The following MDGA2 variants were observed in gnomAD, a reference collection of about 807,000 sequenced individuals.
MDGA2 encodes the protein MAM domain-containing glycosylphosphatidylinositol anchor protein 2.
In MDGA2, 40 loss-of-function variants were observed where a neutral mutation model predicts 117.8. The ratio of observed to expected loss-of-function variants is 0.34; its 90% CI spans 0.26 to 0.44. The LOEUF (loss-of-function observed/expected upper bound fraction) is 0.44, where lower values mean the gene tolerates loss of function less well. Among genes scored for constraint, MDGA2 ranks in the 20% least tolerant of loss-of-function variants. MDGA2 has a pLI of 1.00. For synonymous variants in MDGA2, 452 were observed against 439.0 expected, an observed-to-expected ratio of 1.03 and a Z score of -0.37; for missense variants, 1,123 against 1,250.6, an observed-to-expected ratio of 0.90 and a Z score of 1.54.
At chr14:47,674,061 T>G (rs1333955159) in intron 1 of MDGA2, among the ~76,000 whole-genome samples, 4 of 149,842 alleles carry the variant, frequency 2.7e-5, no homozygotes, top group Admixed American at 6.7e-5. Context: ...CATGTAGGCA[T>G]TCACAGAAAA....
At chr14:47,612,467 G>A (rs1381904681) in intron 1 of MDGA2, among the ~76,000 whole-genome samples, 1 of 152,092 alleles carries the variant, frequency 6.6e-6, no homozygotes, top group Non-Finnish European at 1.5e-5. Flanking sequence ...ACAAAAACTT[G>A]AGTCATATAA....
At chr14:47,561,131 CTCTA>C (rs1388744364) in intron 1 of MDGA2, among the ~76,000 whole-genome samples, 5 of 95,886 alleles carry the variant, frequency 5.2e-5, no homozygotes, top group Admixed American at 1.3e-4. Context: ...AGCATGATAC[CTCTA>C]TCTTTGTTTT....
intron 2 of MDGA2, among the ~76,000 whole-genome samples, chr14:47,236,160 G>A (rs1886852476): frequency 6.6e-6 from 1 of 151,522 alleles, no homozygotes; most frequent in Non-Finnish European, 1.5e-5. Context: ...GCATAGTGGC[G>A]GGCGCCTGTA....
chr14:47,160,402 C>T lies in MDGA2; in HGVS notation c.596-16128G>A, dbSNP rs1007404139. Among the ~76,000 whole-genome samples, 15 of 152,148 alleles carry T rather than the reference C, an allele frequency of 9.9e-5. No homozygotes were observed. The East Asian group carries it at 2.1e-3, about 22-fold the overall frequency. On this transcript the variant is annotated intron_variant, in intron 3 of 16. Transcript: ENST00000399232. ...TCTTTTACAAACAAACAAACAACAA[C>T]AACAAAAAAGCAGCTGAGAAGTGGC...
At chr14:47,353,672 A>G (rs1170629778) in intron 1 of MDGA2, among the ~76,000 whole-genome samples, 1 of 152,222 alleles carries the variant, frequency 6.6e-6, no homozygotes, top group Non-Finnish European at 1.5e-5. Context: ...AGCAGTAAAC[A>G]GCTTGCAACA....
chr14:47,031,544 A>G (rs1888666442), intron 8 of MDGA2, among the ~76,000 whole-genome samples: 1 of 152,174 alleles, frequency 6.6e-6, no homozygotes, highest in African/African-American at 2.4e-5. Flanking sequence ...ATCTGTATGC[A>G]GCAAATCCTC....
At chr14:47,134,016 C>G (rs1035598129) in intron 4 of MDGA2, among the ~76,000 whole-genome samples, 2 of 151,982 alleles carry the variant, frequency 1.3e-5, no homozygotes, top group Non-Finnish European at 2.9e-5. Context: ...TAATTGTATA[C>G]ATTTAAGGTA....
Position 47,451,179 on chromosome 14 carries a change from T to C in MDGA2, c.281-149629A>G, listed in dbSNP as rs568079030. Reference sequence around the variant, plus strand: ...TGCTAAGCACCATACACTATAACCTTAGGAAGTAGCTGGAGGTCATTCTCT... The same window carrying C: ...TGCTAAGCACCATACACTATAACCTCAGGAAGTAGCTGGAGGTCATTCTCT... On this transcript the variant is annotated intron_variant, in intron 1 of 16. Transcript: ENST00000399232. 7.9e-5 allele frequency among the ~76,000 whole-genome samples: 12 copies of C among 152,104 alleles called. No homozygotes were observed. In the South Asian group the frequency reaches 2.1e-3, roughly 26 times the overall value.
intron 2 of MDGA2, among the ~76,000 whole-genome samples, chr14:47,223,381 CTCA>C (rs1273694119): frequency 6.6e-6 from 1 of 152,234 alleles, no homozygotes; most frequent in Non-Finnish European, 1.5e-5. Context: ...TAATTCAGTA[CTCA>C]TCAGCATTTA....
chr14:47,474,315 C>T (rs1435718460), intron 1 of MDGA2, among the ~76,000 whole-genome samples: 1 of 152,114 alleles, frequency 6.6e-6, no homozygotes, highest in Non-Finnish European at 1.5e-5. Context: ...CAAACCACTT[C>T]TCAAGGAAAT....
chr14:47,478,467 C>G (rs544516216), intron 1 of MDGA2, among the ~76,000 whole-genome samples: 1 of 152,282 alleles, frequency 6.6e-6, no homozygotes, highest in East Asian at 1.9e-4. Flanking sequence ...GCCTTCACCT[C>G]CTGGCTCAAG....
intron 4 of MDGA2, among the ~76,000 whole-genome samples, chr14:47,133,140 C>T (rs1882288972): frequency 6.7e-6 from 1 of 150,178 alleles, no homozygotes; most frequent in East Asian, 1.9e-4. Context: ...CAAAAAAAAA[C>T]TACCTTTCAA....
At chr14:46,926,750 G>A (rs1251201762) in intron 9 of MDGA2, among the ~76,000 whole-genome samples, 3 of 151,866 alleles carry the variant, frequency 2.0e-5, no homozygotes, top group African/African-American at 7.3e-5. Context: ...GTTTAATCAG[G>A]GAAATGATAT....
intron 1 of MDGA2, among the ~76,000 whole-genome samples, chr14:47,555,960 T>C (rs1895674561): frequency 6.6e-6 from 1 of 152,204 alleles, no homozygotes; most frequent in South Asian, 2.1e-4. Context: ...AAATTGTTGC[T>C]TGGGCTTTAA....
rs143279656 is a variant in MDGA2 at position 47,222,961 on chromosome 14, G to A, written c.421-4766C>T. Among the ~76,000 whole-genome samples the A allele has an allele frequency of 3.1e-3, 478 of 152,256 alleles. 6 individuals carry two copies. Among genetic ancestry groups the A allele is most frequent in the African/African-American group, 0.011 (446 of 41,556 alleles). ...CCTGTAAAGACATACCTGAGACTGG[G>A]AAGAAAAAGAGTTTTAATTGGACTT... On this transcript the variant is annotated intron_variant, in intron 2 of 16. Coordinates refer to ENST00000399232, the MANE Select transcript of MDGA2 (RefSeq NM_001113498.3).
Position 46,883,451 on chromosome 14 carries a change from AAG to A in MDGA2, c.2239-1232_2239-1231del, listed in dbSNP as rs1464647538. ...AGGGAACTTGATTAATCTGATAAAG[AAG>A]ATCCAACAAAAAGGTAGAGGATGCT... On this transcript the variant is annotated intron_variant, in intron 10 of 16. Transcript: ENST00000399232. 1.8e-4 allele frequency among the ~76,000 whole-genome samples: 27 copies of A among 152,194 alleles called. 1 individual carries two copies. Among genetic ancestry groups the A allele is most frequent in the African/African-American group, 6.3e-4 (26 of 41,584 alleles).
intron 6 of MDGA2, among the ~76,000 whole-genome samples, chr14:47,091,265 G>A (rs1879639783): frequency 6.6e-6 from 1 of 152,124 alleles, no homozygotes; most frequent in Non-Finnish European, 1.5e-5. Context: ...TGTTTATTGA[G>A]CATCTACTAT....
intron 2 of MDGA2, among the ~76,000 whole-genome samples, chr14:47,226,586 T>C (rs1218085784): frequency 1.3e-5 from 2 of 152,130 alleles, no homozygotes; most frequent in East Asian, 3.9e-4. Context: ...AGCACTACGA[T>C]AGGGCCTGCT....
intron 1 of MDGA2, among the ~76,000 whole-genome samples, chr14:47,654,122 A>T (rs1417519842): frequency 6.6e-6 from 1 of 152,182 alleles, no homozygotes; most frequent in Non-Finnish European, 1.5e-5. Flanking sequence ...CACCTCTACA[A>T]ATTGTGTAAA....
Sources: allele counts gnomAD v4.1 joint callset (sites outside exome capture counted in the v4.1 genomes callset), GRCh38; gene constraint gnomAD v4.1.1; transcripts MANE v1.5; gene names NCBI Gene and HGNC (gene_info 2026-07-23, HGNC 2026-07-21).